The following FRMD4A variants were observed in gnomAD, a reference collection of about 807,000 sequenced individuals.
The protein encoded by FRMD4A is FERM domain-containing protein 4A.
In FRMD4A, 29 loss-of-function variants were observed where a neutral mutation model predicts 129.1. The observed-to-expected ratio is 0.22, with a 90% CI of 0.17 to 0.31. The LOEUF (loss-of-function observed/expected upper bound fraction) is 0.31. FRMD4A is among the 10% of genes least tolerant of loss of function. The pLI, the probability that FRMD4A is intolerant of heterozygous loss-of-function variation, is 1.00. For missense variants in FRMD4A, 1,272 were observed against 1,375.8 expected (o/e 0.92, Z 1.19); for synonymous variants, 634 against 571.6 (o/e 1.11, Z -1.56).
chr10:14,325,144 G>A (rs1239924748), intron 2 of FRMD4A, among the ~76,000 whole-genome samples: 1 of 152,182 alleles, frequency 6.6e-6, no homozygotes, highest in Non-Finnish European at 1.5e-5. Context: ...TAATGTAAGA[G>A]CAAGAGTCCT....
chr10:14,302,977 C>T (rs1846232882), intron 2 of FRMD4A, among the ~76,000 whole-genome samples: 1 of 152,114 alleles, frequency 6.6e-6, no homozygotes, highest in Non-Finnish European at 1.5e-5. Context: ...GGTAGGGAAA[C>T]AAGACATTGA....
chr10:13,778,356 G>A (rs548681397), intron 6 of FRMD4A, among the ~76,000 whole-genome samples: 1 of 152,198 alleles, frequency 6.6e-6, no homozygotes, highest in East Asian at 1.9e-4. Flanking sequence ...ACTGCATTAT[G>A]GTATCTTTTC....
chr10:14,127,972 TTCTTTCCTTC>T (rs1394109964), intron 2 of FRMD4A, among the ~76,000 whole-genome samples: 430 of 26,852 alleles, frequency 0.016, 29 homozygotes, highest in Middle Eastern at 0.024. Flanking sequence ...CTTTCTTTCT[TTCTTTCCTTC>T]TCTCTCTCTC....
intron 2 of FRMD4A, among the ~76,000 whole-genome samples, chr10:14,246,784 T>C (rs1286239145): frequency 2.0e-5 from 3 of 151,482 alleles, no homozygotes; most frequent in Non-Finnish European, 2.9e-5. Context: ...TCGGTGGAAA[T>C]ACAAAAGAGA....
Position 13,657,097 on chromosome 10 carries a change from T to A in FRMD4A, c.2492A>T (p.Gln831Leu), listed in dbSNP as rs1224712039. The A allele has an allele frequency of 6.4e-7, 1 of 1,571,324 alleles. No individual in the cohort carries two copies. Among genetic ancestry groups the A allele is most frequent in the African/African-American group, 1.4e-5 (1 of 72,594 alleles). The change falls in exon 22 of 25, where the codon CAG (glutamine) becomes CTG (leucine). Residue 831 changes from glutamine (Q) to leucine (L), a missense_variant. By Grantham distance (113) the Gln-to-Leu change is moderately radical. Transcript: ENST00000357447. ...YLHSQSQPSSQYRIKEYPLYI... is the reference protein window; with the variant it reads ...YLHSQSQPSSLYRIKEYPLYI... ...CAGCGGGTACTCCTTGATGCGGTAC[T>A]GCGAGCTGGGCTGGCTCTGGCTGTG...
chr10:13,650,360 TG>T (rs1437539017), intron 24 of FRMD4A, among the ~76,000 whole-genome samples: 1 of 152,170 alleles, frequency 6.6e-6, no homozygotes, highest in Non-Finnish European at 1.5e-5. Context: ...GGGAAGGTGC[TG>T]TTGCTCAGTA....
chr10:13,967,255 T>A (rs1588608910), intron 2 of FRMD4A, among the ~76,000 whole-genome samples: 1 of 151,934 alleles, frequency 6.6e-6, no homozygotes, highest in Non-Finnish European at 1.5e-5. Flanking sequence ...GGGAATGGCG[T>A]GAACCCGGGA....
At chr10:14,087,038 T>G in intron 2 of FRMD4A, among the ~76,000 whole-genome samples, 1 of 151,994 alleles carries the variant, frequency 6.6e-6, no homozygotes, top group Admixed American at 6.6e-5. Context: ...TTCCTGGGAC[T>G]TGGGAATTGG....
chr10:13,806,120 G>C (rs919771009), intron 4 of FRMD4A, among the ~76,000 whole-genome samples: 1 of 152,074 alleles, frequency 6.6e-6, no homozygotes, highest in African/African-American at 2.4e-5. Context: ...GCCTCCCAAA[G>C]TGTTGGTATT....
Position 13,796,484 on chromosome 10 carries a change from A to C in FRMD4A, c.299+12T>G, listed in dbSNP as rs779669543. 7.1e-6 allele frequency: 9 copies of C among 1,269,744 alleles called. No individual in the cohort carries two copies. The Admixed American group carries it at 8.4e-5, about 12-fold the overall frequency. The allele number at this position is 1,269,744 out of a possible 1,614,324, so 78.7% of individuals were successfully genotyped here. A position where few individuals can be genotyped will look rare whatever the true frequency, so the allele number is the denominator to read the frequency against. On this transcript the variant is annotated intron_variant, in intron 5 of 24. Coordinates refer to ENST00000357447, the MANE Select transcript of FRMD4A (RefSeq NM_018027.5). ...ACAAAGAAGCAAAAGTATAGACACC[A>C]GGTGTACATACCTGACACAAAAGTA...
chr10:14,023,659 T>C (rs1255144990), intron 2 of FRMD4A, among the ~76,000 whole-genome samples: 1 of 152,158 alleles, frequency 6.6e-6, no homozygotes, highest in Non-Finnish European at 1.5e-5. Flanking sequence ...AGAAAAGTAC[T>C]GGAAGAAAGA....
intron 2 of FRMD4A, among the ~76,000 whole-genome samples, chr10:14,030,924 C>G (rs1412091713): frequency 2.0e-5 from 3 of 152,184 alleles, no homozygotes; most frequent in Non-Finnish European, 4.4e-5. Context: ...GCTCATGCAC[C>G]CACAACCCCT....
At chr10:14,322,183 T>A (rs904773773) in intron 2 of FRMD4A, among the ~76,000 whole-genome samples, 1 of 152,152 alleles carries the variant, frequency 6.6e-6, no homozygotes, top group African/African-American at 2.4e-5. Flanking sequence ...AGGCCTGGAC[T>A]AAGGCAGGGG....
chr10:13,762,810 A>T (rs2092126935), intron 6 of FRMD4A, 130 bp from the exon 7 acceptor site: 4 of 650,724 alleles, frequency 6.1e-6, no homozygotes, highest in Middle Eastern at 2.7e-4. Context: ...CCTGGGCAAC[A>T]TAATGAGATG....
chr10:13,787,416 G>A (rs1036045560), intron 5 of FRMD4A, among the ~76,000 whole-genome samples: 3 of 152,222 alleles, frequency 2.0e-5, no homozygotes, highest in African/African-American at 7.2e-5. Flanking sequence ...AGCCTCCTGG[G>A]AAGATGGGGA....
chr10:13,962,850 CCAAA>C (rs1291973165), intron 2 of FRMD4A, among the ~76,000 whole-genome samples: 87 of 152,232 alleles, frequency 5.7e-4, no homozygotes, highest in Non-Finnish European at 1.8e-4. Context: ...TTGTAAACCT[CCAAA>C]CAAAGTATTA....
intron 2 of FRMD4A, among the ~76,000 whole-genome samples, chr10:14,289,327 T>C (rs1478139489): frequency 6.6e-6 from 1 of 152,132 alleles, no homozygotes; most frequent in Non-Finnish European, 1.5e-5. Context: ...TCTTGACAAA[T>C]GTGACGTGAT....
intron 3 of FRMD4A, among the ~76,000 whole-genome samples, chr10:13,837,908 A>G (rs1436642174): frequency 6.6e-6 from 1 of 152,180 alleles, no homozygotes; most frequent in Non-Finnish European, 1.5e-5. Context: ...AGCAATCAGG[A>G]ATCTGGTGGC....
At chr10:14,239,655 A>AC (rs1007278904) in intron 2 of FRMD4A, among the ~76,000 whole-genome samples, 147 of 151,732 alleles carry the variant, frequency 9.7e-4, no homozygotes, top group Non-Finnish European at 1.6e-3. Context: ...AAACAAACAA[A>AC]AAAAAACTGG....
Sources: allele counts gnomAD v4.1 joint callset (sites outside exome capture counted in the v4.1 genomes callset), GRCh38; gene constraint gnomAD v4.1.1; transcripts MANE v1.5; gene names NCBI Gene and HGNC (gene_info 2026-07-23, HGNC 2026-07-21).